Variants in PLA2G6 observed in about 807,000 individuals in gnomAD.
PLA2G6 encodes the protein 85/88 kDa calcium-independent phospholipase A2.
A neutral mutation model predicts 83.8 loss-of-function variants in PLA2G6; 62 were observed. The ratio of observed to expected loss-of-function variants is 0.74; its 90% CI spans 0.60 to 0.91. The LOEUF (loss-of-function observed/expected upper bound fraction) is 0.91. Among genes scored for constraint, PLA2G6 ranks in the 40% least tolerant of loss-of-function variants. The probability of loss-of-function intolerance (pLI) is 0.00; values close to 1 mark genes in which losing one functional copy is unlikely to be tolerated. For missense variants in PLA2G6, 944 were observed against 1,102.0 expected (o/e 0.86, Z 2.03); for synonymous variants, 417 against 449.8 (o/e 0.93, Z 0.92).
chr22:38,180,578 G>A (rs950847166), intron 1 of PLA2G6, among the ~76,000 whole-genome samples: 1 of 152,154 alleles, frequency 6.6e-6, no homozygotes, highest in Non-Finnish European at 1.5e-5. Flanking sequence ...ACTGCCAAAT[G>A]ATACACTGAA....
intron 2 of PLA2G6, chr22:38,150,126 A>G (rs2089492862): frequency 1.3e-5 from 2 of 151,548 alleles, no homozygotes; most frequent in Non-Finnish European, 2.9e-5. Context: ...AGCACCTTGT[A>G]GGGGTTTTAA....
chr22:38,140,457 G>A (rs1461627116), intron 4 of PLA2G6: 1 of 407,230 alleles, frequency 2.5e-6, no homozygotes, highest in East Asian at 5.6e-5. Flanking sequence ...GCAGTGAGCT[G>A]AGATTGCATC....
At chr22:38,162,847 G>A (rs1014581424) in intron 2 of PLA2G6, among the ~76,000 whole-genome samples, 3 of 152,166 alleles carry the variant, frequency 2.0e-5, no homozygotes, top group Non-Finnish European at 2.9e-5. Flanking sequence ...GGGCAAGCGG[G>A]TCCTTCAAGG....
At position 38,115,573 on chromosome 22, in the gene PLA2G6, T is replaced by A. The variant is rs2087137622; in HGVS notation, c.1988A>T (p.Asp663Val). Residue 663 changes from aspartate to valine, a missense_variant, in exon 14 of 17, where the codon GAT becomes GTT. Physicochemically the swap from Asp to Val is radical, Grantham distance 152 (BLOSUM62 -3). Transcript: ENST00000332509. Reference sequence around the variant, plus strand: ...GTACTCATGGATCTCGGTCATGGCATCCAGCGTGGGGTTGTTGGCCAGCAG... The same window carrying A: ...GTACTCATGGATCTCGGTCATGGCAACCAGCGTGGGGTTGTTGGCCAGCAG... Reference protein sequence around the residue: ...GGLLANNPTLDAMTEIHEYNQ... With the variant: ...GGLLANNPTLVAMTEIHEYNQ... 1 of 1,613,632 alleles carries A rather than the reference T, an allele frequency of 6.2e-7. No individual in the cohort carries two copies. The highest frequency in any genetic ancestry group is 1.3e-5 in the African/African-American group (1 of 75,048).
At chr22:38,139,732 G>A in intron 5 of PLA2G6, 2 of 496,482 alleles carry the variant, frequency 4.0e-6, no homozygotes, top group Non-Finnish European at 7.3e-6. Context: ...ACCGCGCCCA[G>A]CCAGAAAAAT....
At chr22:38,158,327 G>A (rs1023103644) in intron 2 of PLA2G6, among the ~76,000 whole-genome samples, 13 of 151,604 alleles carry the variant, frequency 8.6e-5, no homozygotes, top group African/African-American at 1.7e-4. Flanking sequence ...CCACCACCAC[G>A]CCTGGCTAAT....
chr22:38,154,077 T>C (rs994041294), intron 2 of PLA2G6, among the ~76,000 whole-genome samples: 3 of 152,172 alleles, frequency 2.0e-5, no homozygotes, highest in Admixed American at 6.5e-5. Context: ...CAGGCTGTAA[T>C]AGAATAGAGC....
At chr22:38,125,548 A>G in intron 10 of PLA2G6, 1 of 397,278 alleles carries the variant, frequency 2.5e-6, no homozygotes. Flanking sequence ...CACTAGGTAT[A>G]GAGTCCACAG....
chr22:38,167,542 A>G (rs1352600389), intron 2 of PLA2G6, among the ~76,000 whole-genome samples: 9 of 152,162 alleles, frequency 5.9e-5, no homozygotes, highest in Non-Finnish European at 1.2e-4. Flanking sequence ...GGAGCTCTGA[A>G]GCTACAAGTG....
In PLA2G6 at chr22:38,133,007, G is replaced by C. The variant is rs367854265; in HGVS notation, c.901C>G (p.Arg301Gly). ...TTGCAGCCCCGTTTCAGCAGCATGCGGGCCATCTGCGGGAGACGGTCAGGC... is the reference window on the plus strand; with the variant it reads ...TTGCAGCCCCGTTTCAGCAGCATGCCGGCCATCTGCGGGAGACGGTCAGGC... ...LHWAKNAEMARMLLKRGCNVN... is the reference protein window; with the variant it reads ...LHWAKNAEMAGMLLKRGCNVN... The change falls in exon 7 of 17, where the codon CGC becomes GGC. Residue 301 changes from arginine (R) to glycine (G), a missense_variant. Transcript: ENST00000332509. 1.7e-5 allele frequency: 26 copies of C among 1,562,824 alleles called. No homozygotes were observed. The Admixed American group carries it at 4.7e-4, about 28-fold the overall frequency.
Position 38,128,503 on chromosome 22 carries a change from C to G in PLA2G6, c.1187-73G>C, listed in dbSNP as rs1412327395. ...GTCAACATGCAAAGGAGAGGCCCCT[C>G]CTTTCCACACTCCGTCCCCTGTCCC... On this transcript the variant is annotated intron_variant, in intron 8 of 16. Transcript: ENST00000332509. This position sits in a 1 kb window ranked among gnomAD's most constrained non-coding sequence, Gnocchi z 4.4. The G allele has an allele frequency of 8.0e-6, 12 of 1,509,432 alleles. No individual in the cohort carries two copies. Among genetic ancestry groups the G allele is most frequent in the Admixed American group, 3.5e-5 (2 of 57,224 alleles). The allele number at this position is 1,509,432 out of a possible 1,614,324, so 93.5% of individuals were successfully genotyped here. A position where few individuals can be genotyped will look rare whatever the true frequency, so the allele number is the denominator to read the frequency against.
chr22:38,149,582 A>G (rs2089455559), intron 2 of PLA2G6: 1 of 152,232 alleles, frequency 6.6e-6, no homozygotes, highest in African/African-American at 2.4e-5. Flanking sequence ...GGCAGAGTAG[A>G]AAAAGAATCA....
chr22:38,121,077 CAGAG>C, intron 11 of PLA2G6, 168 bp from the exon 12 acceptor site: 1 of 655,152 alleles, frequency 1.5e-6, no homozygotes, highest in Non-Finnish European at 2.6e-6. Flanking sequence ...CCCAGACAGA[CAGAG>C]AGAAACCTCC....
At chr22:38,121,476 C>A (rs1180144521) in intron 11 of PLA2G6, among the ~76,000 whole-genome samples, 2 of 152,196 alleles carry the variant, frequency 1.3e-5, no homozygotes, top group Non-Finnish European at 2.9e-5. Context: ...AAAGCTAGAC[C>A]CACGTTGTTT....
intron 2 of PLA2G6, among the ~76,000 whole-genome samples, chr22:38,154,277 G>A (rs1214421692): frequency 1.3e-5 from 2 of 152,244 alleles, no homozygotes; most frequent in Non-Finnish European, 2.9e-5. Flanking sequence ...AGGCAGTGGA[G>A]ACTGTAGGCC....
intron 2 of PLA2G6, chr22:38,148,083 G>A (rs960891225): frequency 3.0e-5 from 6 of 197,470 alleles, no homozygotes; most frequent in Admixed American, 1.6e-4. Flanking sequence ...AAGTGTTGCC[G>A]ATATGTCAGA....
intron 1 of PLA2G6, among the ~76,000 whole-genome samples, chr22:38,171,071 C>T (rs132996): frequency 0.12 from 17,492 of 150,930 alleles, 1,229 homozygotes; most frequent in African/African-American, 0.18. Flanking sequence ...ACTTGGGAGG[C>T]TGAGGCAGAA....
At chr22:38,150,507 G>A (rs1318458677) in intron 2 of PLA2G6, 1 of 152,186 alleles carries the variant, frequency 6.6e-6, no homozygotes, top group Non-Finnish European at 1.5e-5. Context: ...CAGATTTAAG[G>A]ACTAAATAAA....
chr22:38,116,550 C>A, intron 12 of PLA2G6: 2 of 417,976 alleles, frequency 4.8e-6, no homozygotes, highest in Admixed American at 2.9e-5. Context: ...ACACACACTG[C>A]AGACGTTAGA....
Sources: allele counts gnomAD v4.1 joint callset (sites outside exome capture counted in the v4.1 genomes callset), GRCh38; gene constraint gnomAD v4.1.1; non-coding constraint Gnocchi (gnomAD v3.1); transcripts MANE v1.5; gene names NCBI Gene and HGNC (gene_info 2026-07-23, HGNC 2026-07-21).